Variants in VDAC1 observed in about 807,000 individuals in gnomAD.
The protein encoded by VDAC1 is voltage dependent anion channel 1, also known as non-selective voltage-gated ion channel VDAC1.
In VDAC1, 10 loss-of-function variants were observed where a neutral mutation model predicts 34.7. The observed-to-expected ratio is 0.29, with a 90% CI of 0.18 to 0.49. The LOEUF is 0.49. VDAC1 is among the 20% of genes least tolerant of loss of function. The probability of loss-of-function intolerance (pLI) is 0.99; values close to 1 mark genes in which losing one functional copy is unlikely to be tolerated. For synonymous variants in VDAC1, 130 were observed against 136.0 expected, an observed-to-expected ratio of 0.96 and a Z score of 0.30; for missense variants, 230 against 347.9, an observed-to-expected ratio of 0.66 and a Z score of 2.69.
At chr5:134,085,707 G>C in the VDAC1 span, among the ~76,000 whole-genome samples, 1 of 79,720 alleles carries the variant, frequency 1.3e-5, no homozygotes, top group African/African-American at 5.0e-5. Context: ...GTGCAACATA[G>C]CAAGACCCCA....
chr5:134,040,467 C>G, the VDAC1 span, among the ~76,000 whole-genome samples: 1 of 151,908 alleles, frequency 6.6e-6, no homozygotes, highest in South Asian at 2.1e-4. Context: ...CCCAGCTACT[C>G]GGGAGGCTGA....
chr5:134,086,366 G>A, the VDAC1 span, among the ~76,000 whole-genome samples: 11 of 152,322 alleles, frequency 7.2e-5, no homozygotes, highest in African/African-American at 2.4e-4. Context: ...AAATATTTAT[G>A]AGCAAAGGGA....
chr5:134,023,935 C>A, the VDAC1 span, among the ~76,000 whole-genome samples: 1 of 150,312 alleles, frequency 6.7e-6, no homozygotes, highest in Non-Finnish European at 1.5e-5. Context: ...GAGTTTGAGA[C>A]CAGCCTGGCC....
At chr5:134,053,663 G>A in the VDAC1 span, among the ~76,000 whole-genome samples, 4 of 152,294 alleles carry the variant, frequency 2.6e-5, no homozygotes, top group African/African-American at 9.6e-5. Context: ...TGCATGGGTG[G>A]GACTTTCTCT....
chr5:134,060,317 G>C, the VDAC1 span, among the ~76,000 whole-genome samples: 3 of 151,966 alleles, frequency 2.0e-5, no homozygotes, highest in Non-Finnish European at 2.9e-5. Context: ...TCCAATGCAG[G>C]TGTCTGCATC....
chr5:134,047,334 A>T, the VDAC1 span, among the ~76,000 whole-genome samples: 1 of 152,166 alleles, frequency 6.6e-6, no homozygotes, highest in Non-Finnish European at 1.5e-5. Flanking sequence ...GGGCACCCAC[A>T]GAGAGGCCAC....
the VDAC1 span, among the ~76,000 whole-genome samples, chr5:134,102,677 A>G: frequency 3.3e-5 from 5 of 152,194 alleles, no homozygotes; most frequent in Non-Finnish European, 7.3e-5. Context: ...TCAAAAAAAT[A>G]AAATAAAATA....
chr5:134,011,350 T>C, the VDAC1 span, among the ~76,000 whole-genome samples: 1 of 152,282 alleles, frequency 6.6e-6, no homozygotes, highest in South Asian at 2.1e-4. Flanking sequence ...TGTTGAACTC[T>C]TTAAGTTCCT....
chr5:133,977,502 C>A lies in VDAC1; in HGVS notation c.552-1481G>T, dbSNP rs182057636. 2.9e-3 allele frequency among the ~76,000 whole-genome samples: 435 copies of A among 152,322 alleles called. 3 individuals are homozygous for A. The highest frequency in any genetic ancestry group is 9.2e-3 in the African/African-American group (381 of 41,558). ...CTCCTCTTCCTCTTTTGGGGCCCTGCTTAAGCTCTCAGAATTTGAAAGTCT... is the reference window on the plus strand; with the variant it reads ...CTCCTCTTCCTCTTTTGGGGCCCTGATTAAGCTCTCAGAATTTGAAAGTCT... On this transcript the variant is annotated intron_variant, in intron 6 of 8. Coordinates refer to ENST00000265333, the MANE Select transcript of VDAC1 (RefSeq NM_003374.3).
the VDAC1 span, among the ~76,000 whole-genome samples, chr5:134,047,884 G>A: frequency 2.6e-5 from 4 of 151,958 alleles, no homozygotes; most frequent in South Asian, 2.1e-4. Context: ...TGAACATGAC[G>A]GCATGACATT....
At chr5:134,010,294 G>A in the VDAC1 span, among the ~76,000 whole-genome samples, 1 of 151,978 alleles carries the variant, frequency 6.6e-6, no homozygotes, top group African/African-American at 2.4e-5. Flanking sequence ...AGGAAATATG[G>A]TTACAAAAAC....
the VDAC1 span, among the ~76,000 whole-genome samples, chr5:134,107,272 C>G: frequency 3.3e-5 from 5 of 152,334 alleles, no homozygotes; most frequent in African/African-American, 1.2e-4. Context: ...TCCGTGGCTT[C>G]CCTCCCTAGA....
chr5:134,064,261 G>A, the VDAC1 span, among the ~76,000 whole-genome samples: 6 of 152,054 alleles, frequency 3.9e-5, no homozygotes, highest in South Asian at 6.2e-4. Flanking sequence ...GATTACAGGC[G>A]TGAGCCATCA....
chr5:133,977,179 G>A (rs973471540), intron 6 of VDAC1, among the ~76,000 whole-genome samples: 4 of 152,264 alleles, frequency 2.6e-5, no homozygotes, highest in African/African-American at 9.6e-5. Context: ...ACAACCTGCT[G>A]CAGCCACTGC....
the VDAC1 span, among the ~76,000 whole-genome samples, chr5:134,083,939 C>G: frequency 1.3e-5 from 2 of 152,182 alleles, no homozygotes; most frequent in Middle Eastern, 3.2e-3. Flanking sequence ...TTTTTAAGCC[C>G]TAAGGTTCAA....
the VDAC1 span, among the ~76,000 whole-genome samples, chr5:134,052,057 A>T: frequency 6.6e-6 from 1 of 151,350 alleles, no homozygotes; most frequent in African/African-American, 2.5e-5. Context: ...GGACTCTCTG[A>T]CCTTCCCCTG....
At chr5:134,057,421 A>G in the VDAC1 span, among the ~76,000 whole-genome samples, 7 of 152,040 alleles carry the variant, frequency 4.6e-5, no homozygotes, top group Non-Finnish European at 1.0e-4. Context: ...CGGAGGTTGC[A>G]GTGAGCCAAG....
At chr5:134,016,043 C>G in the VDAC1 span, among the ~76,000 whole-genome samples, 1 of 152,230 alleles carries the variant, frequency 6.6e-6, no homozygotes, top group Non-Finnish European at 1.5e-5. Flanking sequence ...CCCATCTCGG[C>G]TTTCCAAAGT....
the VDAC1 span, among the ~76,000 whole-genome samples, chr5:134,080,561 C>T: frequency 2.2e-5 from 1 of 45,868 alleles, no homozygotes; most frequent in Non-Finnish European, 5.4e-5. Context: ...ACCGAGGTAC[C>T]ATACCGTGAG....
Sources: allele counts gnomAD v4.1 joint callset (sites outside exome capture counted in the v4.1 genomes callset), GRCh38; gene constraint gnomAD v4.1.1; transcripts MANE v1.5; gene names NCBI Gene and HGNC (gene_info 2026-07-23, HGNC 2026-07-21).